Variants in CEP83 observed in about 807,000 individuals in gnomAD.
The protein encoded by CEP83 is centrosomal protein of 83 kDa.
Under a neutral mutation model 101.9 loss-of-function variants are expected in CEP83, and 70 were observed. That is an observed-to-expected ratio of 0.69 (90% CI 0.57 to 0.84). The LOEUF (loss-of-function observed/expected upper bound fraction) is 0.84, where lower values mean the gene tolerates loss of function less well. Among genes scored for constraint, CEP83 ranks in the 40% least tolerant of loss-of-function variants. The pLI, the probability that CEP83 is intolerant of heterozygous loss-of-function variation, is 0.00. For synonymous variants in CEP83, 264 were observed against 267.9 expected, an observed-to-expected ratio of 0.99 and a Z score of 0.14; for missense variants, 715 against 787.2, an observed-to-expected ratio of 0.91 and a Z score of 1.10.
chr12:94,287,395 AG>A, the CEP83 span, among the ~76,000 whole-genome samples: 1 of 152,194 alleles, frequency 6.6e-6, no homozygotes, highest in Non-Finnish European at 1.5e-5. Context: ...CTCGTCCCCT[AG>A]GACTGTGGCA....
At chr12:94,379,863 C>T (rs2137188967) in intron 6 of CEP83, among the ~76,000 whole-genome samples, 1 of 152,182 alleles carries the variant, frequency 6.6e-6, no homozygotes, top group East Asian at 1.9e-4. Context: ...TCCCCTACCA[C>T]CACCCCCACC....
intron 7 of CEP83, among the ~76,000 whole-genome samples, chr12:94,378,473 T>A (rs1402454539): frequency 6.6e-6 from 1 of 152,200 alleles, no homozygotes; most frequent in African/African-American, 2.4e-5. Context: ...TGGTTTGAGA[T>A]GACTTTACGC....
chr12:94,355,495 AAAAAG>A (rs1565974445), intron 11 of CEP83, among the ~76,000 whole-genome samples: 2 of 152,222 alleles, frequency 1.3e-5, no homozygotes, highest in African/African-American at 2.4e-5. Flanking sequence ...CGTCTCAAAA[AAAAAG>A]AAAAGAAAAA....
chr12:94,268,463 C>T, the CEP83 span, among the ~76,000 whole-genome samples: 3 of 152,032 alleles, frequency 2.0e-5, no homozygotes, highest in Admixed American at 2.0e-4. Context: ...AACAGTGAGA[C>T]AGAATGCCCT....
At chr12:94,440,287 C>T (rs1398274411) in intron 1 of CEP83, among the ~76,000 whole-genome samples, 1 of 152,058 alleles carries the variant, frequency 6.6e-6, no homozygotes, top group Non-Finnish European at 1.5e-5. Context: ...CTAGAAAACC[C>T]TAAAAACTCA....
the CEP83 span, among the ~76,000 whole-genome samples, chr12:94,293,445 T>C: frequency 6.6e-6 from 1 of 152,200 alleles, no homozygotes; most frequent in South Asian, 2.1e-4. Context: ...CAGAATACCA[T>C]TGACTGGGTG....
the CEP83 span, among the ~76,000 whole-genome samples, chr12:94,295,016 A>G: frequency 6.6e-6 from 1 of 152,176 alleles, no homozygotes. Context: ...CTAAAGGGGG[A>G]ACTTTTATGG....
intron 1 of CEP83, among the ~76,000 whole-genome samples, chr12:94,449,470 G>T (rs965044840): frequency 6.6e-6 from 1 of 151,854 alleles, no homozygotes; most frequent in Non-Finnish European, 1.5e-5. Flanking sequence ...AGATTATACA[G>T]CACGGACTGG....
chr12:94,366,962 T>C (rs1303252060), intron 11 of CEP83, among the ~76,000 whole-genome samples: 2 of 152,108 alleles, frequency 1.3e-5, no homozygotes. Flanking sequence ...AACAAAATCT[T>C]ATAATCTATA....
At chr12:94,458,507 G>A (rs571500927) in intron 1 of CEP83, among the ~76,000 whole-genome samples, 53 of 152,212 alleles carry the variant, frequency 3.5e-4, no homozygotes, top group African/African-American at 1.3e-3. Context: ...GGGAGGCCGA[G>A]GTGGGCGGAT....
chr12:94,362,995 C>G (rs2060846883), intron 11 of CEP83, among the ~76,000 whole-genome samples: 1 of 152,142 alleles, frequency 6.6e-6, no homozygotes, highest in South Asian at 2.1e-4. Context: ...TTTCATAGAA[C>G]TAGAGAGTAG....
intron 1 of CEP83, among the ~76,000 whole-genome samples, chr12:94,454,426 A>C (rs1007711036): frequency 2.0e-5 from 3 of 152,206 alleles, no homozygotes; most frequent in African/African-American, 7.2e-5. Context: ...TTGCAAATGC[A>C]CCAATCAGCG....
chr12:94,436,921 C>T (rs963454222), intron 1 of CEP83, among the ~76,000 whole-genome samples: 1 of 151,230 alleles, frequency 6.6e-6, no homozygotes, highest in African/African-American at 2.4e-5. Flanking sequence ...AAACTTGGGA[C>T]GTTAAAAGAC....
At chr12:94,405,091 G>C (rs1313972671) in intron 4 of CEP83, among the ~76,000 whole-genome samples, 1 of 152,150 alleles carries the variant, frequency 6.6e-6, no homozygotes, top group Non-Finnish European at 1.5e-5. Flanking sequence ...TCTGGTTTAC[G>C]GTATCAAGTA....
At chr12:94,332,604 T>C (rs907640318) in intron 13 of CEP83, among the ~76,000 whole-genome samples, 1 of 152,168 alleles carries the variant, frequency 6.6e-6, no homozygotes, top group Non-Finnish European at 1.5e-5. Flanking sequence ...ATTAAGCTCA[T>C]TTCAATCAAA....
intron 6 of CEP83, among the ~76,000 whole-genome samples, chr12:94,382,918 C>T (rs1056623314): frequency 6.6e-6 from 1 of 151,980 alleles, no homozygotes; most frequent in East Asian, 1.9e-4. Flanking sequence ...CTTATTTATC[C>T]TTGCTGATTT....
At chr12:94,268,588 C>CTTTTTTTTTTTTT in the CEP83 span, among the ~76,000 whole-genome samples, 20 of 90,876 alleles carry the variant, frequency 2.2e-4, 1 homozygote, top group East Asian at 3.6e-4. Flanking sequence ...AGAATAAGAC[C>CTTTTTTTTTTTTT]TTTTTTTTTT....
chr12:94,289,003 T>C, the CEP83 span, among the ~76,000 whole-genome samples: 1 of 152,230 alleles, frequency 6.6e-6, no homozygotes, highest in African/African-American at 2.4e-5. Flanking sequence ...AGCATTTCTC[T>C]TAGGTGGAGC....
At chr12:94,429,103 A>G (rs1403652661) in intron 2 of CEP83, among the ~76,000 whole-genome samples, 1 of 152,220 alleles carries the variant, frequency 6.6e-6, no homozygotes, top group Non-Finnish European at 1.5e-5. Context: ...ACAAAGTCAT[A>G]AATTCAGGAA....
Sources: allele counts gnomAD v4.1 joint callset (sites outside exome capture counted in the v4.1 genomes callset), GRCh38; gene constraint gnomAD v4.1.1; transcripts MANE v1.5; gene names NCBI Gene and HGNC (gene_info 2026-07-23, HGNC 2026-07-21).